The following COL18A1 variants were observed in gnomAD, a reference collection of about 807,000 sequenced individuals.
COL18A1 encodes the protein collagen alpha-1(XVIII) chain.
Under a neutral mutation model 168.0 loss-of-function variants are expected in COL18A1, and 133 were observed. That is an observed-to-expected ratio of 0.79 (90% CI 0.69 to 0.91). The LOEUF (loss-of-function observed/expected upper bound fraction) is 0.91, where lower values mean the gene tolerates loss of function less well. Ranked by LOEUF, COL18A1 falls within the 40% of genes least tolerant of loss-of-function variation. COL18A1 has a pLI of 0.00. For missense variants in COL18A1, 2,126 were observed against 1,925.4 expected (o/e 1.10, Z -1.95); for synonymous variants, 949 against 809.0 (o/e 1.17, Z -2.94).
chr21:45,456,462 C>T (rs2034820215), intron 2 of COL18A1: 2 of 1,545,408 alleles, frequency 1.3e-6, no homozygotes, highest in South Asian at 1.2e-5. Context: ...GTGGCTAACT[C>T]TGTGGGGCCG....
At position 45,486,954 on chromosome 21, in the gene COL18A1, C is replaced by A. The variant is rs2036135500; in HGVS notation, c.1795C>A (p.Pro599Thr). 6.7e-7 allele frequency: 1 copy of A among 1,494,670 alleles called. No homozygotes were observed. Among genetic ancestry groups the A allele is most frequent in the Non-Finnish European group, 8.9e-7 (1 of 1,124,290 alleles). 92.6% of individuals were successfully genotyped at this position (1,494,670 alleles called of 1,614,324 possible). ...GPAGPPGPPGPPGPPGPGLPA... is the reference protein window; with the variant it reads ...GPAGPPGPPGTPGPPGPGLPA... The stretch of plus-strand genomic sequence containing the variant: ...TGCTGGACCACCAGGCCCCCCTGGG[C>A]CCCCTGGGCCCCCAGGACCAGGACT... Residue 599 changes from proline to threonine, a missense_variant, in exon 16 of 42, where the codon CCC (proline) becomes ACC (threonine). Transcript: ENST00000651438.
At chr21:45,504,371 T>C in intron 33 of COL18A1, 45 bp from the exon 34 acceptor site, 1 of 1,591,082 alleles carries the variant, frequency 6.3e-7, no homozygotes, top group South Asian at 1.1e-5. Context: ...ACCTGTGGCT[T>C]GTAGGGGTTC....
At chr21:45,475,938 C>T (rs561483072) in intron 5 of COL18A1, among the ~76,000 whole-genome samples, 2 of 152,368 alleles carry the variant, frequency 1.3e-5, no homozygotes, top group African/African-American at 4.8e-5. Flanking sequence ...GAAGGCTTTC[C>T]CCAGCTCGGG....
At chr21:45,502,936 T>C (rs761994190) in intron 32 of COL18A1, 4 of 152,196 alleles carry the variant, frequency 2.6e-5, no homozygotes, top group Non-Finnish European at 4.4e-5. Context: ...AGTCACCAGA[T>C]GGAAGGGCAG....
chr21:45,422,741 C>CCAGG (rs1229857116), intron 2 of COL18A1: 1 of 265,658 alleles, frequency 3.8e-6, no homozygotes. Flanking sequence ...GGTGGAGGGG[C>CCAGG]CTGTTCTTTG....
chr21:45,494,248 T>C, intron 26 of COL18A1: 3 of 472,532 alleles, frequency 6.3e-6, no homozygotes, highest in Middle Eastern at 6.6e-4. Context: ...GCACATGCCC[T>C]CCACCCTCCA....
rs944134774 is a variant in COL18A1 at position 45,486,874 on chromosome 21, C to G, written c.1715C>G (p.Ala572Gly). The change falls in exon 16 of 42, where the codon GCC (alanine) becomes GGC (glycine). Residue 572 changes from alanine (A) to glycine (G), a missense_variant. By Grantham distance (60) the Ala-to-Gly change is moderately conservative (BLOSUM62 0). Coordinates refer to ENST00000651438, the MANE Select transcript of COL18A1 (RefSeq NM_001379500.1). ...CACCCCACGCAGGGGAGCAAGGGAG[C>G]CCCCGGTCCTGCTGGTGCTCGTGGG... ...GAPGHKGSKG[A>G]PGPAGARGES... The G allele has an allele frequency of 3.3e-6, 5 of 1,522,628 alleles. No homozygotes were observed. In the African/African-American group the frequency reaches 4.2e-5, roughly 13 times the overall value. 94.3% of individuals were successfully genotyped at this position (1,522,628 alleles called of 1,614,324 possible).
In COL18A1 at chr21:45,477,910, A is replaced by G; in HGVS notation, c.1166A>G (p.Gln389Arg). 1 of 1,566,354 alleles carries G rather than the reference A, an allele frequency of 6.4e-7. No homozygotes were observed. The highest frequency in any genetic ancestry group is 8.7e-7 in the Non-Finnish European group (1 of 1,155,692). The change falls in exon 8 of 42, where the codon CAA (glutamine) becomes CGA (arginine). Residue 389 changes from glutamine to arginine, a missense_variant. Gln to Arg is a conservative substitution (Grantham distance 43, BLOSUM62 1). Transcript: ENST00000651438. The part of the protein sequence containing the change: ...GPALQTVPGP[Q>R]GPPGPPGRDG... ...GCGTTGCAAACTGTCCCCGGACCACAAGGACCCCCAGGGCCTCCGGGGAGG... is the reference window on the plus strand; with the variant it reads ...GCGTTGCAAACTGTCCCCGGACCACGAGGACCCCCAGGGCCTCCGGGGAGG...
In COL18A1 at chr21:45,480,502, C is replaced by T. The variant is rs985715199; in HGVS notation, c.1434C>T (p.Gly478=). ...ACATGGAGGGATCTGGCTTCGGGGG[C>T]GATCTGGAGGCCCTGCGGGTGAGTG... ...FIDMEGSGFG[G]DLEALRGPRG... is the part of the protein sequence containing the mutation. The change falls in exon 12 of 42, where the codon GGC becomes GGT. Residue 478 remains glycine (G), a synonymous_variant. Coordinates refer to ENST00000651438, the MANE Select transcript of COL18A1 (RefSeq NM_001379500.1). 24 of 1,614,088 alleles carry T rather than the reference C, an allele frequency of 1.5e-5. No individual in the cohort carries two copies. The highest frequency in any genetic ancestry group is 1.6e-4 in the Middle Eastern group (1 of 6,062).
In COL18A1 at chr21:45,496,584, AC is replaced by A; in HGVS notation, c.2577+19del. 7.8e-7 allele frequency: 1 copy of A among 1,282,872 alleles called. No homozygotes were observed. Among genetic ancestry groups the A allele is most frequent in the Non-Finnish European group, 1.1e-6 (1 of 890,276 alleles). 79.5% of individuals were successfully genotyped at this position (1,282,872 alleles called of 1,614,324 possible). ...CGACAGCAATGTAAGTCCCCAGGGC[AC>A]CCACTGTCCTACAGCCACCCTTGGC... is the stretch of plus-strand genomic sequence containing the variant. On this transcript the variant is annotated intron_variant, in intron 30 of 41. Transcript: ENST00000651438.
rs771750980 is a variant in COL18A1 at position 45,471,190 on chromosome 21, C to T, written c.651+2404C>T. On this transcript the variant is annotated intron_variant, in intron 3 of 41. Coordinates refer to ENST00000651438, the MANE Select transcript of COL18A1 (RefSeq NM_001379500.1). The surrounding 1 kb of genome is among the most constrained non-coding windows in gnomAD (Gnocchi z 4.4). ...CGTGTGCTGCTGGGCGTGGGTGGCGCGCTATGGGCCGTGTGCTGAGGGCTG... is the reference window on the plus strand; with the variant it reads ...CGTGTGCTGCTGGGCGTGGGTGGCGTGCTATGGGCCGTGTGCTGAGGGCTG... 7.3e-4 allele frequency among the ~76,000 whole-genome samples: 110 copies of T among 151,050 alleles called. No homozygotes were observed. The highest frequency in any genetic ancestry group is 1.5e-3 in the Admixed American group (22 of 15,172).
chr21:45,493,044 C>T, intron 24 of COL18A1, 119 bp from the exon 25 acceptor site: 2 of 1,071,312 alleles, frequency 1.9e-6, no homozygotes, highest in Non-Finnish European at 2.8e-6. Flanking sequence ...GCGAGGGGCC[C>T]TGGTCGGGCT....
intron 2 of COL18A1, among the ~76,000 whole-genome samples, chr21:45,445,403 C>T (rs546589472): frequency 2.6e-5 from 4 of 152,320 alleles, no homozygotes; most frequent in African/African-American, 9.6e-5. Flanking sequence ...CTGTGATGAA[C>T]GGTGCTGTTG....
chr21:45,495,388 G>A lies in COL18A1; in HGVS notation c.2464G>A (p.Glu822Lys). 6.2e-7 allele frequency: 1 copy of A among 1,611,798 alleles called. No individual in the cohort carries two copies. Among genetic ancestry groups the A allele is most frequent in the South Asian group, 1.1e-5 (1 of 90,690 alleles). Residue 822 changes from glutamate (E) to lysine (K), a missense_variant, in exon 29 of 42, where the codon GAG becomes AAG. Glu to Lys is a moderately conservative substitution (Grantham distance 56). Transcript: ENST00000651438. ...CCCCGGGATGAACGGATTGAAAGGA[G>A]AGAAAGGGGAGCCGGGAGATGCCAG... ...GRPGMNGLKG[E>K]KGEPGDASLG...
intron 2 of COL18A1, among the ~76,000 whole-genome samples, chr21:45,405,840 C>A (rs1045729829): frequency 6.6e-6 from 1 of 151,766 alleles, no homozygotes; most frequent in Non-Finnish European, 1.5e-5. Flanking sequence ...CCCGCAGCGC[C>A]GGGTCCCGGG....
intron 2 of COL18A1, among the ~76,000 whole-genome samples, chr21:45,406,039 G>A (rs2033096679): frequency 1.3e-5 from 2 of 152,054 alleles, no homozygotes; most frequent in Admixed American, 6.5e-5. Context: ...CGCGCGGTCC[G>A]AGAACAATGC....
At chr21:45,492,370 G>A (rs1568924096) in intron 22 of COL18A1, among the ~76,000 whole-genome samples, 165 bp from the exon 23 acceptor site, 1 of 152,222 alleles carries the variant, frequency 6.6e-6, no homozygotes, top group African/African-American at 2.4e-5. Flanking sequence ...TGAGCTGAGG[G>A]GCGTCTGTGC....
At chr21:45,458,730 G>C (rs1479307123) in intron 2 of COL18A1, among the ~76,000 whole-genome samples, 2 of 152,256 alleles carry the variant, frequency 1.3e-5, no homozygotes, top group African/African-American at 2.4e-5. Context: ...CACGGAGGCA[G>C]ACAGGACAGC....
chr21:45,496,663 C>A, intron 30 of COL18A1, 95 bp downstream of exon 30: 1 of 776,688 alleles, frequency 1.3e-6, no homozygotes, highest in Non-Finnish European at 2.4e-6. Flanking sequence ...CTGGCCTCTG[C>A]GTCTGGGGGT....
Sources: allele counts gnomAD v4.1 joint callset (sites outside exome capture counted in the v4.1 genomes callset), GRCh38; gene constraint gnomAD v4.1.1; non-coding constraint Gnocchi (gnomAD v3.1); transcripts MANE v1.5; gene names NCBI Gene and HGNC (gene_info 2026-07-23, HGNC 2026-07-21).